MIPOL1: variants seen among roughly 807,000 people sequenced by gnomAD.
MIPOL1 encodes mirror-image polydactyly 1.
Under a neutral mutation model 60.9 loss-of-function variants are expected in MIPOL1, and 57 were observed. The observed-to-expected ratio is 0.94, with a 90% CI of 0.76 to 1.17. The LOEUF is 1.17. Ranked by LOEUF, MIPOL1 falls within the 50% of genes most tolerant of loss-of-function variation. MIPOL1 has a pLI of 0.00. For missense variants in MIPOL1, 551 were observed against 511.6 expected (o/e 1.08, Z -0.74); for synonymous variants, 179 against 168.8 (o/e 1.06, Z -0.47).
intron 12 of MIPOL1, among the ~76,000 whole-genome samples, chr14:37,516,311 G>A (rs960976033): frequency 5.3e-5 from 8 of 152,038 alleles, no homozygotes; most frequent in African/African-American, 1.7e-4. Context: ...AAAATAAATG[G>A]CATCTTTAAC....
intron 9 of MIPOL1, among the ~76,000 whole-genome samples, chr14:37,319,834 T>G (rs991186888): frequency 6.6e-6 from 1 of 152,040 alleles, no homozygotes. Flanking sequence ...AGATAATCAC[T>G]CCTCTTATTT....
At chr14:37,501,193 A>G (rs1243721657) in intron 12 of MIPOL1, among the ~76,000 whole-genome samples, 1 of 152,188 alleles carries the variant, frequency 6.6e-6, no homozygotes, top group Non-Finnish European at 1.5e-5. Context: ...TGTAGGTATT[A>G]TATATATTTG....
At chr14:37,443,648 C>T (rs1275247351) in intron 11 of MIPOL1, among the ~76,000 whole-genome samples, 2 of 150,964 alleles carry the variant, frequency 1.3e-5, no homozygotes, top group Non-Finnish European at 2.9e-5. Context: ...GGAATTCTTC[C>T]CAACTCAGTC....
At chr14:37,510,483 C>T (rs2095319795) in intron 12 of MIPOL1, among the ~76,000 whole-genome samples, 1 of 151,930 alleles carries the variant, frequency 6.6e-6, no homozygotes, top group South Asian at 2.1e-4. Flanking sequence ...GCAATCTGCC[C>T]GCCTCAGCCT....
chr14:37,322,523 G>T (rs8004838), intron 9 of MIPOL1, among the ~76,000 whole-genome samples: 150,331 of 152,128 alleles, frequency 0.99, 74,302 homozygotes, highest in Middle Eastern at 1. Context: ...ACTTGTACTT[G>T]GCTCAGGAGG....
intron 1 of MIPOL1, chr14:37,212,445 C>A (rs1234481170): frequency 1.3e-5 from 2 of 152,120 alleles, no homozygotes; most frequent in Non-Finnish European, 2.9e-5. Flanking sequence ...TGGTGGTACT[C>A]CTCATGGCCT....
intron 3 of MIPOL1, among the ~76,000 whole-genome samples, chr14:37,251,741 T>A (rs996319998): frequency 2.0e-5 from 3 of 152,040 alleles, no homozygotes; most frequent in African/African-American, 7.2e-5. Context: ...TATAAATTCC[T>A]GATCATTTCT....
intron 3 of MIPOL1, among the ~76,000 whole-genome samples, chr14:37,261,735 A>T (rs1176849125): frequency 6.6e-6 from 1 of 152,120 alleles, no homozygotes; most frequent in African/African-American, 2.4e-5. Context: ...TAAAAGATTT[A>T]TGTAACTTAG....
rs542670261 is a variant in MIPOL1, at chr14:37,204,877, T to C, written c.-199+6773T>C. Reference sequence around the variant, plus strand: ...GAGGGCTCAGAAGAAGACAGGAAAATGTGGGAAAGTTTGGAACTTCCTGGA... The same window carrying C: ...GAGGGCTCAGAAGAAGACAGGAAAACGTGGGAAAGTTTGGAACTTCCTGGA... On this transcript the variant is annotated intron_variant, in intron 1 of 12. Transcript: ENST00000684589. Among the ~76,000 whole-genome samples the C allele has an allele frequency of 5.9e-5, 9 of 151,956 alleles. No individual in the cohort carries two copies. The South Asian group carries it at 1.9e-3, about 32-fold the overall frequency.
At chr14:37,307,000 AT>A (rs1176466871) in intron 7 of MIPOL1, among the ~76,000 whole-genome samples, 1 of 151,676 alleles carries the variant, frequency 6.6e-6, no homozygotes, top group Non-Finnish European at 1.5e-5. Flanking sequence ...ATGTGTATAT[AT>A]TTTTTCTGTT....
intron 5 of MIPOL1, among the ~76,000 whole-genome samples, chr14:37,270,048 C>G (rs1462312335): frequency 6.6e-6 from 1 of 152,040 alleles, no homozygotes; most frequent in Non-Finnish European, 1.5e-5. Context: ...AGGCTGGTCT[C>G]AAACTCCTGA....
intron 10 of MIPOL1, among the ~76,000 whole-genome samples, chr14:37,418,034 C>T (rs2093803685): frequency 6.6e-6 from 1 of 152,146 alleles, no homozygotes; most frequent in Admixed American, 6.6e-5. Context: ...TTATTTGCTT[C>T]TGTGATTTAA....
At chr14:37,483,875 G>A (rs543288238) in intron 11 of MIPOL1, among the ~76,000 whole-genome samples, 4 of 152,092 alleles carry the variant, frequency 2.6e-5, no homozygotes, top group African/African-American at 9.7e-5. Flanking sequence ...GCCTCAAGCA[G>A]TCCTCCCACC....
intron 11 of MIPOL1, among the ~76,000 whole-genome samples, chr14:37,484,206 C>A (rs1232436900): frequency 6.6e-6 from 1 of 152,114 alleles, no homozygotes; most frequent in Non-Finnish European, 1.5e-5. Flanking sequence ...GGAGTTTTCT[C>A]AACTTCTTGT....
At chr14:37,413,851 T>C (rs2093719686) in intron 10 of MIPOL1, among the ~76,000 whole-genome samples, 1 of 152,142 alleles carries the variant, frequency 6.6e-6, no homozygotes. Flanking sequence ...ACGTAGTGCC[T>C]CAAGGCTACG....
At chr14:37,411,528 T>C (rs2093681236) in intron 10 of MIPOL1, among the ~76,000 whole-genome samples, 1 of 152,150 alleles carries the variant, frequency 6.6e-6, no homozygotes, top group Non-Finnish European at 1.5e-5. Context: ...TCAGAGATTC[T>C]GGGTAGTATG....
At chr14:37,380,701 C>A (rs572185230) in intron 10 of MIPOL1, among the ~76,000 whole-genome samples, 3 of 152,214 alleles carry the variant, frequency 2.0e-5, no homozygotes, top group South Asian at 2.1e-4. Context: ...TTGGGAGTTT[C>A]ATAGTCAGTG....
At chr14:37,419,095 G>A (rs1036620001) in intron 10 of MIPOL1, among the ~76,000 whole-genome samples, 4 of 152,056 alleles carry the variant, frequency 2.6e-5, no homozygotes, top group Non-Finnish European at 5.9e-5. Flanking sequence ...CTAGAAATCA[G>A]CCAAATGTCT....
At chr14:37,243,347 A>G (rs1219359701) in intron 1 of MIPOL1, among the ~76,000 whole-genome samples, 1 of 152,184 alleles carries the variant, frequency 6.6e-6, no homozygotes, top group Non-Finnish European at 1.5e-5. Flanking sequence ...GTCAGGGGCT[A>G]TAAATGTTTG....
Sources: allele counts gnomAD v4.1 joint callset (sites outside exome capture counted in the v4.1 genomes callset), GRCh38; gene constraint gnomAD v4.1.1; transcripts MANE v1.5; gene names NCBI Gene and HGNC (gene_info 2026-07-23, HGNC 2026-07-21).